BTBD9: variants seen among roughly 807,000 people sequenced by gnomAD.
BTBD9 encodes BTB domain containing 9.
A neutral mutation model predicts 64.3 loss-of-function variants in BTBD9; 49 were observed. That is an observed-to-expected ratio of 0.76 (90% CI 0.61 to 0.97). The LOEUF (loss-of-function observed/expected upper bound fraction) is 0.97, where lower values mean the gene tolerates loss of function less well. BTBD9 is among the 50% of genes least tolerant of loss of function. The probability of loss-of-function intolerance (pLI) is 0.00; values close to 1 mark genes in which losing one functional copy is unlikely to be tolerated. For synonymous variants in BTBD9, 260 were observed against 274.7 expected (o/e 0.95, Z 0.53); for missense variants, 598 against 762.1 (o/e 0.78, Z 2.53).
chr6:38,417,752 G>T (rs1191265969), intron 6 of BTBD9, among the ~76,000 whole-genome samples: 1 of 146,912 alleles, frequency 6.8e-6, no homozygotes, highest in Non-Finnish European at 1.5e-5. Context: ...CAGCCTAGGT[G>T]ACAGAGCAAC....
intron 9 of BTBD9, among the ~76,000 whole-genome samples, chr6:38,197,273 A>C (rs552332513): frequency 1.5e-4 from 23 of 152,222 alleles, no homozygotes; most frequent in Non-Finnish European, 2.8e-4. Context: ...CAAAGAGAAG[A>C]GAAGTAATCT....
chr6:38,294,318 G>GTATA, intron 7 of BTBD9, among the ~76,000 whole-genome samples: 1 of 152,170 alleles, frequency 6.6e-6, no homozygotes, highest in Non-Finnish European at 1.5e-5. Context: ...TCATTACTGG[G>GTATA]TATATACCCA....
intron 6 of BTBD9, among the ~76,000 whole-genome samples, chr6:38,559,547 C>T (rs376182531): frequency 6.6e-6 from 1 of 152,130 alleles, no homozygotes; most frequent in East Asian, 1.9e-4. Flanking sequence ...AAAGTATCAA[C>T]ATCATTTTTC....
chr6:38,523,574 G>C (rs1382153470), intron 6 of BTBD9, among the ~76,000 whole-genome samples: 1 of 152,076 alleles, frequency 6.6e-6, no homozygotes, highest in Non-Finnish European at 1.5e-5. Flanking sequence ...TAGTCTCCCT[G>C]TCTTGCATGA....
intron 8 of BTBD9, among the ~76,000 whole-genome samples, chr6:38,263,873 C>A (rs990898972): frequency 1.3e-5 from 2 of 152,064 alleles, no homozygotes; most frequent in Non-Finnish European, 1.5e-5. Context: ...ACTAAAAGGG[C>A]CAAAGATAAG....
chr6:38,333,820 C>A (rs964635937), intron 7 of BTBD9, among the ~76,000 whole-genome samples: 3 of 152,122 alleles, frequency 2.0e-5, no homozygotes, highest in Non-Finnish European at 4.4e-5. Flanking sequence ...GAAACGTGTA[C>A]CAGAGAAGTG....
At chr6:38,424,652 C>T (rs1768064895) in intron 6 of BTBD9, among the ~76,000 whole-genome samples, 3 of 150,166 alleles carry the variant, frequency 2.0e-5, no homozygotes, top group South Asian at 4.2e-4. Context: ...AAGCAGCTGG[C>T]ATTACTGGTG....
At chr6:38,206,485 C>T (rs893989534) in intron 9 of BTBD9, among the ~76,000 whole-genome samples, 1 of 151,984 alleles carries the variant, frequency 6.6e-6, no homozygotes, top group Non-Finnish European at 1.5e-5. Context: ...ACGTGATCCA[C>T]CTGCCTCAGC....
intron 7 of BTBD9, among the ~76,000 whole-genome samples, chr6:38,308,339 G>A (rs1038281483): frequency 2.0e-5 from 3 of 152,186 alleles, no homozygotes; most frequent in African/African-American, 7.2e-5. Flanking sequence ...GACATAACTT[G>A]TCAGGGAAGA....
At chr6:38,465,544 T>C (rs907064922) in intron 6 of BTBD9, among the ~76,000 whole-genome samples, 1 of 146,418 alleles carries the variant, frequency 6.8e-6, no homozygotes, top group Non-Finnish European at 1.5e-5. Context: ...GGCAGGAGAA[T>C]GGTATGAAAC....
intron 9 of BTBD9, among the ~76,000 whole-genome samples, chr6:38,204,802 A>G (rs1762577803): frequency 1.3e-5 from 2 of 152,170 alleles, no homozygotes; most frequent in Non-Finnish European, 1.5e-5. Context: ...CTCAGAGGAC[A>G]TGGATACAGT....
intron 6 of BTBD9, among the ~76,000 whole-genome samples, chr6:38,537,753 G>A (rs146031263): frequency 1.9e-3 from 293 of 152,240 alleles, no homozygotes; most frequent in African/African-American, 6.4e-3. Flanking sequence ...CATGGCTACC[G>A]AACTTAAGAC....
intron 1 of BTBD9, among the ~76,000 whole-genome samples, chr6:38,638,622 G>T (rs562821360): frequency 5.3e-5 from 8 of 152,184 alleles, no homozygotes; most frequent in Non-Finnish European, 1.2e-4. Flanking sequence ...ACAAAGCAAG[G>T]TTATTACTGG....
At chr6:38,375,052 C>A (rs1447590703) in intron 6 of BTBD9, among the ~76,000 whole-genome samples, 1 of 152,180 alleles carries the variant, frequency 6.6e-6, no homozygotes, top group Non-Finnish European at 1.5e-5. Context: ...AATATTCCTT[C>A]CATCTATGGA....
Position 38,499,956 on chromosome 6 carries a change from G to A in BTBD9, c.1154+77644C>T, listed in dbSNP as rs187312908. Among the ~76,000 whole-genome samples, 192 of 152,248 alleles carry A rather than the reference G, an allele frequency of 1.3e-3. 2 individuals carry two copies. The highest frequency in any genetic ancestry group is 4.4e-3 in the African/African-American group (182 of 41,546). ...GAGACGTCATCTTAAGCTGAGCTCC[G>A]TATCTTAGTTGAATACTGCAGTTAA... On this transcript the variant is annotated intron_variant, in intron 6 of 10. Transcript: ENST00000481247.
intron 10 of BTBD9, among the ~76,000 whole-genome samples, chr6:38,181,456 T>G (rs1761550482): frequency 6.6e-6 from 1 of 152,220 alleles, no homozygotes; most frequent in African/African-American, 2.4e-5. Flanking sequence ...CCTTTCACAG[T>G]GGCTGATGTG....
rs41273106 is a variant in BTBD9, at chr6:38,174,642, G to A, written c.*343C>T. 1.4e-3 allele frequency: 388 copies of A among 269,378 alleles called. No homozygotes were observed. Among genetic ancestry groups the A allele is most frequent in the Middle Eastern group, 2.1e-3 (2 of 948 alleles). The allele number at this position is 269,378 out of a possible 1,614,324, so 16.7% of individuals were successfully genotyped here. A position where few individuals can be genotyped will look rare whatever the true frequency, so the allele number is the denominator to read the frequency against. ...CTTTCTCCTCCGCCTGAGTGTTTGC[G>A]TGCCATTTTTGTATTCCAACACAGG... On this transcript the variant is annotated 3_prime_UTR_variant, in exon 11 of 11. Coordinates refer to ENST00000481247, the MANE Select transcript of BTBD9 (RefSeq NM_001099272.2).
intron 9 of BTBD9, among the ~76,000 whole-genome samples, chr6:38,207,094 G>A (rs1206460449): frequency 1.3e-5 from 2 of 152,216 alleles, no homozygotes; most frequent in Non-Finnish European, 2.9e-5. Flanking sequence ...TTGCACTGCA[G>A]CATCATTTGA....
intron 9 of BTBD9, among the ~76,000 whole-genome samples, chr6:38,254,150 A>G (rs1007146668): frequency 1.3e-5 from 2 of 151,554 alleles, no homozygotes; most frequent in Non-Finnish European, 2.9e-5. Context: ...AGGAGGACCT[A>G]GATGGCAGAA....
Sources: gnomAD v4.1 joint callset for allele counts (sites outside exome capture counted in the v4.1 genomes callset) on GRCh38, gnomAD v4.1.1 for gene constraint, MANE v1.5 for transcripts, NCBI Gene and HGNC (gene_info 2026-07-23, HGNC 2026-07-21) for gene names.